SLMAP: variants seen among roughly 807,000 people sequenced by gnomAD.
SLMAP encodes the protein sarcolemmal membrane-associated protein.
Under a neutral mutation model 128.8 loss-of-function variants are expected in SLMAP, and 44 were observed. The observed-to-expected ratio is 0.34, with a 90% CI of 0.27 to 0.44. SLMAP has a LOEUF of 0.44. SLMAP is among the 20% of genes least tolerant of loss of function. SLMAP has a pLI of 1.00. For missense variants in SLMAP, 787 were observed against 985.3 expected (o/e 0.80, Z 2.69); for synonymous variants, 327 against 348.8 (o/e 0.94, Z 0.70).
At chr3:57,823,381 C>T (rs2092679266) in intron 2 of SLMAP, among the ~76,000 whole-genome samples, 1 of 152,114 alleles carries the variant, frequency 6.6e-6, no homozygotes, top group Admixed American at 6.5e-5. Flanking sequence ...TCCCACCACC[C>T]TACAACAGTC....
At position 57,911,923 on chromosome 3, in the gene SLMAP, T is replaced by TAA. The variant is rs57106769; in HGVS notation, c.1700-433_1700-432dup. Among the ~76,000 whole-genome samples the TAA allele has an allele frequency of 7.5e-3, 395 of 52,392 alleles. 18 individuals carry two copies. Among genetic ancestry groups the TAA allele is most frequent in the African/African-American group, 0.028 (366 of 13,116 alleles). The allele number at this position is 52,392 out of a possible 152,430, so 34.4% of individuals were successfully genotyped here. On this transcript the variant is annotated intron_variant, in intron 19 of 24. Coordinates refer to ENST00000671191, the MANE Select transcript of SLMAP (RefSeq NM_001377540.1). ...GCAATTCTACACATAGGATTCACCC[T>TAA]AAAAAAAAAAAAAAAAAAAAAAAAA...
At chr3:57,897,008 TTA>T (rs2096260385) in intron 17 of SLMAP, 76 bp downstream of exon 17, 2 of 1,583,292 alleles carry the variant, frequency 1.3e-6, no homozygotes, top group South Asian at 2.4e-5. Context: ...GTTCTAGATA[TTA>T]TGTGAAGTTT....
chr3:57,764,531 GAGTGATACAAT>G (rs1238955816), intron 2 of SLMAP, among the ~76,000 whole-genome samples: 1 of 151,144 alleles, frequency 6.6e-6, no homozygotes, highest in Non-Finnish European at 1.5e-5. Flanking sequence ...AAGAAAGAAA[GAGTGATACAAT>G]AGTGATACAA....
intron 2 of SLMAP, among the ~76,000 whole-genome samples, chr3:57,794,147 T>G (rs979314414): frequency 7.9e-5 from 12 of 152,264 alleles, no homozygotes; most frequent in Admixed American, 3.9e-4. Flanking sequence ...TTTTGGTGGC[T>G]GTTCTTTTTA....
At chr3:57,784,812 G>A (rs977914023) in intron 2 of SLMAP, among the ~76,000 whole-genome samples, 1 of 152,118 alleles carries the variant, frequency 6.6e-6, no homozygotes, top group Non-Finnish European at 1.5e-5. Context: ...CTAATAAGAG[G>A]TGATTATTAG....
At chr3:57,777,418 T>G (rs896006850) in intron 2 of SLMAP, among the ~76,000 whole-genome samples, 3 of 152,074 alleles carry the variant, frequency 2.0e-5, no homozygotes, top group Non-Finnish European at 4.4e-5. Flanking sequence ...AAATTAATTT[T>G]ATTCATTGGA....
At chr3:57,850,428 A>ATT (rs1158744101) in intron 6 of SLMAP, among the ~76,000 whole-genome samples, 2 of 151,916 alleles carry the variant, frequency 1.3e-5, no homozygotes, top group African/African-American at 2.4e-5. Context: ...CTGTTTTCAA[A>ATT]TTTTTTTGGA....
chr3:57,861,723 C>T lies in SLMAP; in HGVS notation c.829-226C>T, dbSNP rs116795545. Among the ~76,000 whole-genome samples the T allele has an allele frequency of 4.2e-3, 633 of 152,238 alleles. 1 individual carries two copies. Among genetic ancestry groups the T allele is most frequent in the African/African-American group, 0.015 (606 of 41,538 alleles). On this transcript the variant is annotated intron_variant, in intron 9 of 24. Coordinates refer to ENST00000671191, the MANE Select transcript of SLMAP (RefSeq NM_001377540.1). ...TCCTTTTCCTGCCCCTGCTCTCCCT[C>T]CACTTTTATTTTTTTGTTGTTTTTG... is the stretch of plus-strand genomic sequence containing the variant.
chr3:57,851,676 G>C (rs550681538), intron 6 of SLMAP, among the ~76,000 whole-genome samples: 54 of 151,744 alleles, frequency 3.6e-4, no homozygotes, highest in Non-Finnish European at 4.6e-4. Context: ...TACATTTTTA[G>C]GTTTCACCAT....
intron 22 of SLMAP, among the ~76,000 whole-genome samples, chr3:57,922,553 C>T (rs1017576963): frequency 5.3e-5 from 8 of 151,622 alleles, no homozygotes; most frequent in Admixed American, 2.0e-4. Context: ...CTCAGCCTCC[C>T]GAGTAGCTGG....
intron 2 of SLMAP, among the ~76,000 whole-genome samples, chr3:57,817,002 T>C: frequency 6.6e-6 from 1 of 152,134 alleles, no homozygotes; most frequent in East Asian, 1.9e-4. Flanking sequence ...TTAGGTTAGA[T>C]AGGGTGATTA....
At chr3:57,881,367 G>A (rs972336307) in intron 14 of SLMAP, among the ~76,000 whole-genome samples, 6 of 152,170 alleles carry the variant, frequency 3.9e-5, no homozygotes, top group African/African-American at 1.4e-4. Context: ...CACCTCGATT[G>A]TATGTATTAC....
At chr3:57,897,773 C>G (rs1305082936) in intron 17 of SLMAP, 1 of 152,020 alleles carries the variant, frequency 6.6e-6, no homozygotes, top group Non-Finnish European at 1.5e-5. Flanking sequence ...TTTGTCTCAC[C>G]TCTAAACAGG....
intron 5 of SLMAP, among the ~76,000 whole-genome samples, chr3:57,848,061 A>T (rs1452028449): frequency 6.6e-6 from 1 of 152,200 alleles, no homozygotes; most frequent in African/African-American, 2.4e-5. Flanking sequence ...ATTAAAGTAT[A>T]CTTTCCAAGC....
At chr3:57,771,113 CCTGTATG>C (rs1289941160) in intron 2 of SLMAP, among the ~76,000 whole-genome samples, 1 of 151,846 alleles carries the variant, frequency 6.6e-6, no homozygotes, top group Non-Finnish European at 1.5e-5. Flanking sequence ...AAACTCCTCT[CCTGTATG>C]CTGCTCCTGC....
intron 6 of SLMAP, among the ~76,000 whole-genome samples, chr3:57,850,174 T>G (rs996201958): frequency 6.6e-6 from 1 of 152,116 alleles, no homozygotes. Flanking sequence ...AGACCCTGTC[T>G]GAAGAAAAGA....
intron 2 of SLMAP, among the ~76,000 whole-genome samples, chr3:57,794,953 T>C (rs900370292): frequency 1.3e-5 from 2 of 152,208 alleles, no homozygotes; most frequent in African/African-American, 4.8e-5. Context: ...GGAATTGAAT[T>C]GTTAGGTAAT....
intron 15 of SLMAP, among the ~76,000 whole-genome samples, chr3:57,893,883 C>T (rs1009439281): frequency 3.0e-4 from 45 of 152,262 alleles, no homozygotes; most frequent in Non-Finnish European, 5.1e-4. Flanking sequence ...CACTTCTAAT[C>T]TAAGTTCCCC....
intron 6 of SLMAP, among the ~76,000 whole-genome samples, chr3:57,854,390 G>C (rs2094669864): frequency 6.6e-6 from 1 of 151,992 alleles, no homozygotes; most frequent in Non-Finnish European, 1.5e-5. Context: ...TTGAGACCAG[G>C]AGTTCAAGAC....
Sources: allele counts gnomAD v4.1 joint callset (sites outside exome capture counted in the v4.1 genomes callset), GRCh38; gene constraint gnomAD v4.1.1; transcripts MANE v1.5; gene names NCBI Gene and HGNC (gene_info 2026-07-23, HGNC 2026-07-21).